The following TBL1XR1 variants were observed in gnomAD, a reference collection of about 807,000 sequenced individuals.
TBL1XR1 encodes F-box-like/WD repeat-containing protein TBL1XR1.
TBL1XR1 carries 5 observed loss-of-function variants against 66.9 expected under a neutral mutation model. The observed-to-expected ratio is 0.07, with a 90% CI of 0.04 to 0.16. The LOEUF is 0.16. TBL1XR1 is among the 10% of genes least tolerant of loss of function. The pLI, the probability that TBL1XR1 is intolerant of heterozygous loss-of-function variation, is 1.00. For missense variants in TBL1XR1, 238 were observed against 623.2 expected (o/e 0.38, Z 6.58); for synonymous variants, 210 against 206.0 (o/e 1.02, Z -0.17).
chr3:177,090,026 A>G (rs1028079769), intron 2 of TBL1XR1, among the ~76,000 whole-genome samples: 1 of 152,218 alleles, frequency 6.6e-6, no homozygotes, highest in Admixed American at 6.5e-5. Flanking sequence ...AGATGGCATA[A>G]TGCTTTACAG....
chr3:177,054,076 G>A (rs919694139), intron 3 of TBL1XR1, among the ~76,000 whole-genome samples, 158 bp from the exon 4 acceptor site: 6 of 150,268 alleles, frequency 4.0e-5, no homozygotes, highest in African/African-American at 1.2e-4. Context: ...GTGTGTGTGC[G>A]CGCGCGTGTG....
chr3:177,092,784 T>C (rs781735973), intron 2 of TBL1XR1, among the ~76,000 whole-genome samples: 32 of 151,718 alleles, frequency 2.1e-4, no homozygotes, highest in Non-Finnish European at 4.1e-4. Flanking sequence ...CAAAAAGAAT[T>C]CCAGTTCTAA....
At position 177,162,458 on chromosome 3, in the gene TBL1XR1, T is replaced by C. The variant is rs534796933; in HGVS notation, c.-122+34663A>G. ...AATATGTTTTAATTTTAAAAAATCA[T>C]AGGCACAACTAATTTATGGTAACAG... On this transcript the variant is annotated intron_variant, in intron 1 of 15. Coordinates refer to ENST00000457928, the MANE Select transcript of TBL1XR1 (RefSeq NM_024665.7). 5.9e-5 allele frequency among the ~76,000 whole-genome samples: 9 copies of C among 152,322 alleles called. No homozygotes were observed. The South Asian group carries it at 6.2e-4, about 11-fold the overall frequency.
chr3:177,072,429 G>C (rs1003970879), intron 2 of TBL1XR1, among the ~76,000 whole-genome samples: 12 of 150,142 alleles, frequency 8.0e-5, no homozygotes, highest in Admixed American at 8.0e-4. Context: ...AGACCTGATG[G>C]TATTACTAGT....
chr3:177,141,844 T>A (rs1480535463), intron 1 of TBL1XR1, among the ~76,000 whole-genome samples: 1 of 152,208 alleles, frequency 6.6e-6, no homozygotes, highest in East Asian at 1.9e-4. Flanking sequence ...ACATGGTCTA[T>A]ATATACAGTG....
At chr3:177,069,378 G>T (rs1264426685) in intron 2 of TBL1XR1, among the ~76,000 whole-genome samples, 1 of 152,034 alleles carries the variant, frequency 6.6e-6, no homozygotes, top group Non-Finnish European at 1.5e-5. Context: ...AGTACCTACT[G>T]CACATGATGT....
intron 1 of TBL1XR1, among the ~76,000 whole-genome samples, chr3:177,178,848 T>C (rs1455583008): frequency 6.6e-6 from 1 of 152,054 alleles, no homozygotes. Context: ...TCAGGCGCAG[T>C]GGTTCACGCC....
At position 177,024,987 on chromosome 3, in the gene TBL1XR1, T is replaced by TAC. The variant is rs2108372154; in HGVS notation, c.*509_*510dup. The TAC allele has an allele frequency of 6.5e-6, 1 of 153,762 alleles. No homozygotes were observed. The highest frequency in any genetic ancestry group is 6.5e-5 in the Admixed American group (1 of 15,314). 9.5% of individuals were successfully genotyped at this position (153,762 alleles called of 1,614,324 possible). ...TAAACAAGAAACTGATTCACTCCCTTACTTCATGCATCCATAATCTAAACC... is the reference window on the plus strand; with the variant it reads ...TAAACAAGAAACTGATTCACTCCCTTACACTTCATGCATCCATAATCTAAACC... On this transcript the variant is annotated 3_prime_UTR_variant, in exon 16 of 16. Coordinates refer to ENST00000457928, the MANE Select transcript of TBL1XR1 (RefSeq NM_024665.7).
intron 14 of TBL1XR1, among the ~76,000 whole-genome samples, chr3:177,030,570 T>G (rs1035663377): frequency 6.6e-6 from 1 of 152,118 alleles, no homozygotes; most frequent in Non-Finnish European, 1.5e-5. Context: ...GTGAACACTT[T>G]ATCTGTATCT....
At position 177,025,271 on chromosome 3, in the gene TBL1XR1, A is replaced by G. The variant is rs1712947498; in HGVS notation, c.*227T>C. 2.3e-6 allele frequency: 1 copy of G among 439,868 alleles called. No individual in the cohort carries two copies. Among genetic ancestry groups the G allele is most frequent in the Non-Finnish European group, 4.0e-6 (1 of 249,750 alleles). The allele number at this position is 439,868 out of a possible 1,614,324, so 27.2% of individuals were successfully genotyped here. On this transcript the variant is annotated 3_prime_UTR_variant, in exon 16 of 16. Transcript: ENST00000457928. ...CTAAATGCTATTTTAGGGGCACAGC[A>G]GATTAGATTCCAGCACTTGGTGAAC...
chr3:177,182,109 C>G (rs1246047426), intron 1 of TBL1XR1, among the ~76,000 whole-genome samples: 3 of 152,168 alleles, frequency 2.0e-5, no homozygotes. Flanking sequence ...CACAGCCAGT[C>G]CCAGTGGCTC....
Position 177,187,943 on chromosome 3 carries a change from C to CTTTTTTTTTTT in TBL1XR1, c.-122+9167_-122+9177dup, listed in dbSNP as rs571361204. On this transcript the variant is annotated intron_variant, in intron 1 of 15. Transcript: ENST00000457928. Reference sequence around the variant, plus strand: ...GCTTGAGAGTCCAGAGTACAATTTCCTTTTTTTTTTTTTTTTTTTTTTTTG... The same window carrying CTTTTTTTTTTT: ...GCTTGAGAGTCCAGAGTACAATTTCCTTTTTTTTTTTTTTTTTTTTTTTTTTTTTTTTTTTG... 6.4e-5 allele frequency among the ~76,000 whole-genome samples: 5 copies of CTTTTTTTTTTT among 77,838 alleles called. 1 individual carries two copies. Among genetic ancestry groups the CTTTTTTTTTTT allele is most frequent in the African/African-American group, 2.6e-4 (4 of 15,096 alleles). The allele number at this position is 77,838 out of a possible 152,430, so 51.1% of individuals were successfully genotyped here. A position where few individuals can be genotyped will look rare whatever the true frequency, so the allele number is the denominator to read the frequency against.
rs1353861682 is a variant in TBL1XR1 at position 177,021,690 on chromosome 3, A to C, written c.*3808T>G. 1 of 152,508 alleles carries C rather than the reference A, an allele frequency of 6.6e-6. No individual in the cohort carries two copies. Among genetic ancestry groups the C allele is most frequent in the Non-Finnish European group, 1.5e-5 (1 of 67,966 alleles). 9.4% of individuals were successfully genotyped at this position (152,508 alleles called of 1,614,324 possible). A position where few individuals can be genotyped will look rare whatever the true frequency, so the allele number is the denominator to read the frequency against. ...AAAAACAAAGAAAACAAAACGAAAA[A>C]CCAACCAGGGTCTCTTGTAGATTTG... On this transcript the variant is annotated 3_prime_UTR_variant, in exon 16 of 16. Transcript: ENST00000457928.
At position 177,026,294 on chromosome 3, in the gene TBL1XR1, T is replaced by C; in HGVS notation, c.1518+79A>G. 3 of 1,137,076 alleles carry C rather than the reference T, an allele frequency of 2.6e-6. No homozygotes were observed. The South Asian group carries it at 4.4e-5, about 17-fold the overall frequency. The allele number at this position is 1,137,076 out of a possible 1,614,324, so 70.4% of individuals were successfully genotyped here. On this transcript the variant is annotated intron_variant, in intron 15 of 15. Coordinates refer to ENST00000457928, the MANE Select transcript of TBL1XR1 (RefSeq NM_024665.7). ...TAAAATTTATTTTGAAAAAAACACT[T>C]TGGTATCACTAACAATAAGCTGCAT...
At position 177,024,707 on chromosome 3, in the gene TBL1XR1, AAAAAAG is replaced by A. The variant is rs1434328200; in HGVS notation, c.*785_*790del. The A allele has an allele frequency of 3.0e-5, 4 of 135,266 alleles. No homozygotes were observed. Among genetic ancestry groups the A allele is most frequent in the African/African-American group, 5.6e-5 (2 of 35,998 alleles). The allele number at this position is 135,266 out of a possible 1,614,324, so 8.4% of individuals were successfully genotyped here. A position where few individuals can be genotyped will look rare whatever the true frequency, so the allele number is the denominator to read the frequency against. On this transcript the variant is annotated 3_prime_UTR_variant, in exon 16 of 16. Coordinates refer to ENST00000457928, the MANE Select transcript of TBL1XR1 (RefSeq NM_024665.7). The stretch of plus-strand genomic sequence containing the variant: ...CATTTAAGCCACATCACCAAAAAAC[AAAAAAG>A]AAAAAAAAAAAAAAAAAGCAAAACA...
intron 1 of TBL1XR1, chr3:177,194,035 G>A (rs1223233319): frequency 6.6e-6 from 1 of 152,194 alleles, no homozygotes; most frequent in African/African-American, 2.4e-5. Context: ...CTGGCTCTAT[G>A]GTTACAGGGC....
intron 10 of TBL1XR1, among the ~76,000 whole-genome samples, chr3:177,042,947 A>T (rs543249951): frequency 1.3e-5 from 2 of 152,238 alleles, no homozygotes; most frequent in African/African-American, 4.8e-5. Context: ...TATAATTCAC[A>T]TACCAATTCA....
chr3:177,178,165 A>G (rs1577397302), intron 1 of TBL1XR1, among the ~76,000 whole-genome samples: 1 of 152,188 alleles, frequency 6.6e-6, no homozygotes, highest in South Asian at 2.1e-4. Flanking sequence ...GTGAAACAAG[A>G]TAAGGTTTGT....
intron 2 of TBL1XR1, among the ~76,000 whole-genome samples, chr3:177,085,226 A>G (rs1007882478): frequency 1.3e-5 from 2 of 152,212 alleles, no homozygotes; most frequent in African/African-American, 2.4e-5. Context: ...AAGAAGCACT[A>G]CAAAGGTCTT....
Sources: gnomAD v4.1 joint callset for allele counts (sites outside exome capture counted in the v4.1 genomes callset) on GRCh38, gnomAD v4.1.1 for gene constraint, MANE v1.5 for transcripts, NCBI Gene and HGNC (gene_info 2026-07-23, HGNC 2026-07-21) for gene names.